CNTNAP2: variants seen among roughly 807,000 people sequenced by gnomAD.
CNTNAP2 encodes the protein contactin associated protein 2, also known as contactin-associated protein-like 2.
CNTNAP2 carries 98 observed loss-of-function variants against 155.2 expected under a neutral mutation model. The observed-to-expected ratio is 0.63, with a 90% confidence interval of 0.54 to 0.75. The LOEUF (loss-of-function observed/expected upper bound fraction) is 0.75. Ranked by LOEUF, CNTNAP2 falls within the 30% of genes least tolerant of loss-of-function variation. The pLI is 0.00. For missense variants in CNTNAP2, 1,727 were observed against 1,688.1 expected, an observed-to-expected ratio of 1.02 and a Z score of -0.40; for synonymous variants, 651 against 631.2, an observed-to-expected ratio of 1.03 and a Z score of -0.47.
In CNTNAP2 at chr7:146,329,833, C is replaced by T. The variant is rs150198468; in HGVS notation, c.97+212860C>T. ...ACTGTGGTACTGAATAGCCACATTACTTCCCTGCTCAAGCATTATATAACG... is the reference window on the plus strand; with the variant it reads ...ACTGTGGTACTGAATAGCCACATTATTTCCCTGCTCAAGCATTATATAACG... On this transcript the variant is annotated intron_variant, in intron 1 of 23. Coordinates refer to ENST00000361727, the MANE Select transcript of CNTNAP2 (RefSeq NM_014141.6). 6.3e-3 allele frequency among the ~76,000 whole-genome samples: 953 copies of T among 152,194 alleles called. 10 individuals are homozygous for T. The highest frequency in any genetic ancestry group is 0.02 in the African/African-American group (851 of 41,518).
At chr7:147,601,890 T>TC (rs1266855364) in intron 12 of CNTNAP2, among the ~76,000 whole-genome samples, 4 of 151,892 alleles carry the variant, frequency 2.6e-5, no homozygotes, top group Non-Finnish European at 5.9e-5. Context: ...CTGTTTCTCT[T>TC]CCCCCTATTT....
At chr7:148,099,014 G>A (rs60227024) in intron 15 of CNTNAP2, among the ~76,000 whole-genome samples, 6,746 of 152,204 alleles carry the variant, frequency 0.044, 498 homozygotes, top group African/African-American at 0.15. Context: ...CTCTATTTAC[G>A]AGAACAGCCG....
chr7:146,280,607 T>C (rs1271158431), intron 1 of CNTNAP2, among the ~76,000 whole-genome samples: 1 of 152,172 alleles, frequency 6.6e-6, no homozygotes, highest in Non-Finnish European at 1.5e-5. Flanking sequence ...TGTCTCCACA[T>C]TATGTATCAT....
intron 8 of CNTNAP2, among the ~76,000 whole-genome samples, chr7:147,235,912 A>G (rs986997236): frequency 6.6e-5 from 10 of 152,234 alleles, no homozygotes; most frequent in African/African-American, 2.4e-4. Flanking sequence ...TTAATTTGCT[A>G]CTTTTAAATA....
In CNTNAP2 at chr7:147,435,633, T is replaced by C. The variant is rs1445069623; in HGVS notation, c.1670+39853T>C. ...TTCCATCCAATGTTCTAATTTCTAA[T>C]GTTTATAGGCTGCAAGCCTAGACGC... is the stretch of plus-strand genomic sequence containing the variant. On this transcript the variant is annotated intron_variant, in intron 10 of 23. Coordinates refer to ENST00000361727, the MANE Select transcript of CNTNAP2 (RefSeq NM_014141.6). Among the ~76,000 whole-genome samples, 3 of 152,232 alleles carry C rather than the reference T, an allele frequency of 2.0e-5. No homozygotes were observed. In the East Asian group the frequency reaches 5.8e-4, roughly 29 times the overall value.
At chr7:147,197,363 G>A (rs753874376) in intron 8 of CNTNAP2, among the ~76,000 whole-genome samples, 67 of 130,538 alleles carry the variant, frequency 5.1e-4, no homozygotes, top group Admixed American at 2.8e-4. Context: ...GTGTACTTTC[G>A]TTTTCGATAA....
intron 5 of CNTNAP2, among the ~76,000 whole-genome samples, chr7:147,119,323 A>G (rs1018889067): frequency 2.6e-5 from 4 of 152,188 alleles, no homozygotes; most frequent in Admixed American, 1.3e-4. Flanking sequence ...AAAAAAGTTT[A>G]TTAGCTTTAC....
chr7:147,415,522 C>T (rs1053592678), intron 10 of CNTNAP2, among the ~76,000 whole-genome samples: 13 of 152,162 alleles, frequency 8.5e-5, no homozygotes, highest in Admixed American at 7.9e-4. Context: ...TCCTTCCTGC[C>T]GCCTTCTGAA....
At chr7:147,144,074 C>T (rs1266557592) in intron 8 of CNTNAP2, among the ~76,000 whole-genome samples, 1 of 152,026 alleles carries the variant, frequency 6.6e-6, no homozygotes, top group Non-Finnish European at 1.5e-5. Flanking sequence ...CTTGAGATCT[C>T]AGATCTCTAG....
At chr7:147,810,057 A>G (rs1480940233) in intron 13 of CNTNAP2, among the ~76,000 whole-genome samples, 2 of 152,240 alleles carry the variant, frequency 1.3e-5, no homozygotes, top group Non-Finnish European at 2.9e-5. Context: ...TGTGCTTAAA[A>G]AGAGTAAACG....
intron 10 of CNTNAP2, among the ~76,000 whole-genome samples, chr7:147,464,722 A>C (rs909958190): frequency 1.3e-5 from 2 of 152,222 alleles, no homozygotes; most frequent in African/African-American, 4.8e-5. Context: ...CAATTTAAAA[A>C]TTTAAAGCAA....
chr7:147,272,670 T>TTTTA (rs1420920872), intron 8 of CNTNAP2, among the ~76,000 whole-genome samples: 3 of 150,914 alleles, frequency 2.0e-5, no homozygotes, highest in African/African-American at 7.3e-5. Flanking sequence ...GCTAATTTTT[T>TTTTA]TTTTTTTTTT....
chr7:148,392,308 G>A (rs956231076), intron 22 of CNTNAP2, among the ~76,000 whole-genome samples: 7 of 144,170 alleles, frequency 4.9e-5, no homozygotes, highest in Non-Finnish European at 7.6e-5. Flanking sequence ...TCTTGACCTC[G>A]TGATCCGCCC....
At chr7:147,372,743 T>A (rs143522088) in intron 9 of CNTNAP2, among the ~76,000 whole-genome samples, 2,495 of 152,038 alleles carry the variant, frequency 0.016, 69 homozygotes, top group African/African-American at 0.056. Context: ...TAAAAAAAAA[T>A]GTCATCAAGT....
intron 13 of CNTNAP2, among the ~76,000 whole-genome samples, chr7:147,681,998 G>C (rs1050182700): frequency 2.6e-5 from 4 of 151,792 alleles, no homozygotes; most frequent in Non-Finnish European, 5.9e-5. Flanking sequence ...GATAGGAAAT[G>C]TTACTGAAGA....
chr7:147,693,408 A>G (rs1796118181), intron 13 of CNTNAP2, among the ~76,000 whole-genome samples: 1 of 152,086 alleles, frequency 6.6e-6, no homozygotes, highest in Non-Finnish European at 1.5e-5. Flanking sequence ...TTGGGATTGC[A>G]CTGAATCTGT....
Position 146,798,919 on chromosome 7 carries a change from A to AAAATATT in CNTNAP2, c.208+24539_208+24545dup, listed in dbSNP as rs146876281. 7.9e-3 allele frequency among the ~76,000 whole-genome samples: 1,206 copies of AAAATATT among 152,272 alleles called. 20 individuals carry two copies. The highest frequency in any genetic ancestry group is 0.026 in the African/African-American group (1,087 of 41,562). The stretch of plus-strand genomic sequence containing the variant: ...TTCTCATATTTGTACAGCTGCAAAA[A>AAAATATT]AAATATTTTTGAGTACATTATGTGA... On this transcript the variant is annotated intron_variant, in intron 2 of 23. Coordinates refer to ENST00000361727, the MANE Select transcript of CNTNAP2 (RefSeq NM_014141.6).
At chr7:146,482,488 T>C (rs1311628871) in intron 1 of CNTNAP2, among the ~76,000 whole-genome samples, 1 of 152,050 alleles carries the variant, frequency 6.6e-6, no homozygotes, top group Non-Finnish European at 1.5e-5. Context: ...CTCATGCCTG[T>C]AATCCCAGCA....
At chr7:146,853,675 G>T (rs2129203604) in intron 3 of CNTNAP2, among the ~76,000 whole-genome samples, 1 of 152,134 alleles carries the variant, frequency 6.6e-6, no homozygotes, top group Non-Finnish European at 1.5e-5. Flanking sequence ...ACTAGTCTTT[G>T]CTTTCTCTAT....
Sources: gnomAD v4.1 joint callset for allele counts (sites outside exome capture counted in the v4.1 genomes callset) on GRCh38, gnomAD v4.1.1 for gene constraint, MANE v1.5 for transcripts, NCBI Gene and HGNC (gene_info 2026-07-23, HGNC 2026-07-21) for gene names.